Variants in NTNG1 observed in about 807,000 individuals in gnomAD.
The protein encoded by NTNG1 is netrin-G1.
In NTNG1, 16 loss-of-function variants were observed where a neutral mutation model predicts 54.0. The ratio of observed to expected loss-of-function variants is 0.30; its 90% CI spans 0.20 to 0.45. The LOEUF is 0.45. Ranked by LOEUF, NTNG1 falls within the 20% of genes least tolerant of loss-of-function variation. The probability of loss-of-function intolerance (pLI) is 1.00; values close to 1 mark genes in which losing one functional copy is unlikely to be tolerated. For synonymous variants in NTNG1, 255 were observed against 263.1 expected (o/e 0.97, Z 0.30); for missense variants, 530 against 678.7 (o/e 0.78, Z 2.43).
At chr1:107,401,994 G>GGTA (rs1553240580) in intron 4 of NTNG1, among the ~76,000 whole-genome samples, 1 of 152,116 alleles carries the variant, frequency 6.6e-6, no homozygotes, top group Non-Finnish European at 1.5e-5. Context: ...GCAATTACCT[G>GGTA]CTACAGTCAT....
chr1:107,212,689 A>G (rs1416802609), intron 2 of NTNG1, among the ~76,000 whole-genome samples: 1 of 152,156 alleles, frequency 6.6e-6, no homozygotes, highest in Non-Finnish European at 1.5e-5. Flanking sequence ...CTGCCCTCCC[A>G]AGAACTTACT....
At chr1:107,293,190 T>C (rs1665731624) in intron 2 of NTNG1, among the ~76,000 whole-genome samples, 1 of 152,158 alleles carries the variant, frequency 6.6e-6, no homozygotes, top group South Asian at 2.1e-4. Flanking sequence ...TTAGGGGTTA[T>C]TTACAATAAG....
chr1:107,446,599 C>T (rs1676320561), intron 7 of NTNG1, among the ~76,000 whole-genome samples: 1 of 152,080 alleles, frequency 6.6e-6, no homozygotes, highest in Admixed American at 6.6e-5. Flanking sequence ...GAACACAGTC[C>T]ATGACAGTGC....
At chr1:107,452,620 C>A (rs1453922914) in intron 7 of NTNG1, among the ~76,000 whole-genome samples, 1 of 152,078 alleles carries the variant, frequency 6.6e-6, no homozygotes, top group Admixed American at 6.6e-5. Flanking sequence ...TGGATTAATT[C>A]TCATGGGAAT....
chr1:107,457,590 G>A (rs1348864023), intron 7 of NTNG1, among the ~76,000 whole-genome samples: 1 of 151,968 alleles, frequency 6.6e-6, no homozygotes, highest in Non-Finnish European at 1.5e-5. Flanking sequence ...GGGTGGGATT[G>A]TTTTCCTTTT....
chr1:107,358,175 A>AT (rs1015551789), intron 3 of NTNG1, among the ~76,000 whole-genome samples: 1 of 152,118 alleles, frequency 6.6e-6, no homozygotes, highest in African/African-American at 2.4e-5. Context: ...TAAGGTATGA[A>AT]TTTTTTTAAT....
At chr1:107,224,110 C>T (rs1216213672) in intron 2 of NTNG1, among the ~76,000 whole-genome samples, 1 of 152,130 alleles carries the variant, frequency 6.6e-6, no homozygotes, top group African/African-American at 2.4e-5. Context: ...TAACATCAGA[C>T]ACCTGTTTTG....
At chr1:107,446,831 A>T (rs1676334457) in intron 7 of NTNG1, among the ~76,000 whole-genome samples, 1 of 152,102 alleles carries the variant, frequency 6.6e-6, no homozygotes, top group Non-Finnish European at 1.5e-5. Context: ...AATACCATAA[A>T]TACAGAGTGA....
intron 2 of NTNG1, among the ~76,000 whole-genome samples, chr1:107,295,582 C>A (rs1268619760): frequency 2.6e-5 from 4 of 152,058 alleles, no homozygotes; most frequent in African/African-American, 9.7e-5. Context: ...TTATGGCAAC[C>A]TGTTTTTTCA....
chr1:107,300,055 A>G (rs1050218131), intron 2 of NTNG1, among the ~76,000 whole-genome samples: 1 of 152,238 alleles, frequency 6.6e-6, no homozygotes, highest in African/African-American at 2.4e-5. Context: ...ATAGAGCACA[A>G]GAAACTTGTG....
At chr1:107,447,851 T>A (rs1676398361) in intron 7 of NTNG1, among the ~76,000 whole-genome samples, 1 of 152,116 alleles carries the variant, frequency 6.6e-6, no homozygotes, top group Admixed American at 6.6e-5. Context: ...AAATTATCCT[T>A]CCTAGCAAAC....
intron 2 of NTNG1, among the ~76,000 whole-genome samples, chr1:107,273,889 T>C (rs1325751547): frequency 6.6e-6 from 1 of 152,188 alleles, no homozygotes; most frequent in Non-Finnish European, 1.5e-5. Context: ...TAATTACTTT[T>C]TCTTTCTGAC....
At chr1:107,168,222 C>A (rs2101079905) in intron 2 of NTNG1, among the ~76,000 whole-genome samples, 1 of 151,744 alleles carries the variant, frequency 6.6e-6, no homozygotes, top group Non-Finnish European at 1.5e-5. Context: ...GGAAGTACAT[C>A]ATCAGCACAG....
At chr1:107,440,370 G>A (rs11185115) in intron 7 of NTNG1, among the ~76,000 whole-genome samples, 43,625 of 151,984 alleles carry the variant, frequency 0.29, 6,536 homozygotes, top group East Asian at 0.3. Flanking sequence ...CTCTGGATTC[G>A]TAGAGACCAG....
At chr1:107,259,680 C>T (rs1168862549) in intron 2 of NTNG1, among the ~76,000 whole-genome samples, 1 of 152,022 alleles carries the variant, frequency 6.6e-6, no homozygotes, top group Non-Finnish European at 1.5e-5. Context: ...TTATATGTTC[C>T]TCCCCCGCAA....
chr1:107,468,214 C>A (rs756924321), intron 7 of NTNG1, among the ~76,000 whole-genome samples: 39 of 152,086 alleles, frequency 2.6e-4, no homozygotes, highest in Non-Finnish European at 5.1e-4. Context: ...AGGGCTTAGA[C>A]CATATTTAGA....
At chr1:107,431,593 T>A (rs2101336676) in intron 6 of NTNG1, among the ~76,000 whole-genome samples, 1 of 152,190 alleles carries the variant, frequency 6.6e-6, no homozygotes, top group South Asian at 2.1e-4. Flanking sequence ...TCCCCACCAA[T>A]GACTACTGCT....
chr1:107,370,123 T>G, intron 3 of NTNG1, among the ~76,000 whole-genome samples: 1 of 151,984 alleles, frequency 6.6e-6, no homozygotes, highest in East Asian at 1.9e-4. Flanking sequence ...TGTAGCTTTA[T>G]AAGTCTTGAA....
intron 3 of NTNG1, among the ~76,000 whole-genome samples, chr1:107,378,835 C>T (rs369349450): frequency 1.3e-4 from 20 of 152,262 alleles, no homozygotes; most frequent in African/African-American, 4.8e-4. Flanking sequence ...CTGGCAGGGT[C>T]CTGACACCAA....
Sources: allele counts gnomAD v4.1 joint callset (sites outside exome capture counted in the v4.1 genomes callset), GRCh38; gene constraint gnomAD v4.1.1; transcripts MANE v1.5; gene names NCBI Gene and HGNC (gene_info 2026-07-23, HGNC 2026-07-21).